Variants in LOC128706666 observed in about 807,000 individuals in gnomAD.
At chr20:10,419,601 A>C in the LOC128706666 span, among the ~76,000 whole-genome samples, 1 of 152,182 alleles carries the variant, frequency 6.6e-6, no homozygotes, top group Non-Finnish European at 1.5e-5. Flanking sequence ...ACCTATGATA[A>C]AGTTCAATTT....
At chr20:10,414,056 C>T in the LOC128706666 span, 3 of 373,918 alleles carry the variant, frequency 8.0e-6, no homozygotes, top group Non-Finnish European at 1.4e-5. Flanking sequence ...CTGGCACAAA[C>T]GTCCAGAAAA....
At chr20:10,413,991 A>G in the LOC128706666 span, 26 of 397,418 alleles carry the variant, frequency 6.5e-5, no homozygotes, top group East Asian at 9.3e-4. Flanking sequence ...TGTAGACTGC[A>G]GTTTAATAAT....
At chr20:10,422,157 T>C in the LOC128706666 span, among the ~76,000 whole-genome samples, 1 of 152,174 alleles carries the variant, frequency 6.6e-6, no homozygotes, top group Non-Finnish European at 1.5e-5. Context: ...GCTATGAACA[T>C]GTTATTCTTA....
chr20:10,427,904 T>C, the LOC128706666 span, among the ~76,000 whole-genome samples: 1 of 152,224 alleles, frequency 6.6e-6, no homozygotes, highest in Non-Finnish European at 1.5e-5. Context: ...GCTTGACCTA[T>C]ATCCAAGAGC....
chr20:10,418,127 G>C, the LOC128706666 span, among the ~76,000 whole-genome samples: 1 of 152,084 alleles, frequency 6.6e-6, no homozygotes, highest in Non-Finnish European at 1.5e-5. Flanking sequence ...ATGTGTTTGT[G>C]TATGTGTGTT....
At chr20:10,433,855 C>T in the LOC128706666 span, among the ~76,000 whole-genome samples, 1 of 152,168 alleles carries the variant, frequency 6.6e-6, no homozygotes, top group Non-Finnish European at 1.5e-5. Context: ...TCCAGCTCTC[C>T]CCACCGGCGG....
At chr20:10,421,856 T>C in the LOC128706666 span, among the ~76,000 whole-genome samples, 1 of 151,870 alleles carries the variant, frequency 6.6e-6, no homozygotes, top group East Asian at 1.9e-4. Context: ...ATCTGTTGGG[T>C]TTGGGAACTT....
the LOC128706666 span, among the ~76,000 whole-genome samples, chr20:10,426,163 T>C: frequency 6.6e-6 from 1 of 152,240 alleles, no homozygotes; most frequent in African/African-American, 2.4e-5. Context: ...AAACATTAAA[T>C]GATTGATTCT....
the LOC128706666 span, among the ~76,000 whole-genome samples, chr20:10,433,878 G>A: frequency 1.2e-4 from 18 of 152,188 alleles, no homozygotes; most frequent in Admixed American, 1.3e-4. Flanking sequence ...AGACCTCCTC[G>A]CCGCCCGCAT....
the LOC128706666 span, among the ~76,000 whole-genome samples, chr20:10,428,439 C>T: frequency 3.3e-5 from 5 of 152,166 alleles, no homozygotes; most frequent in African/African-American, 1.2e-4. Context: ...ATTGTATGCT[C>T]CACCTTCATT....
chr20:10,413,931 C>A, the LOC128706666 span: 1 of 407,378 alleles, frequency 2.5e-6, no homozygotes, highest in East Asian at 3.5e-5. Flanking sequence ...TGCTTCTTTA[C>A]CTAATAAATA....
chr20:10,415,171 A>C, the LOC128706666 span, among the ~76,000 whole-genome samples: 1 of 152,230 alleles, frequency 6.6e-6, no homozygotes, highest in African/African-American at 2.4e-5. Flanking sequence ...TAAAAACGTT[A>C]GATCATAGAT....
At chr20:10,431,569 A>G in the LOC128706666 span, 2 of 151,506 alleles carry the variant, frequency 1.3e-5, no homozygotes, top group African/African-American at 4.9e-5. Context: ...AACCAAACCA[A>G]ACCCGCACAA....
chr20:10,420,408 C>A, the LOC128706666 span: 1 of 152,238 alleles, frequency 6.6e-6, no homozygotes, highest in East Asian at 1.9e-4. Flanking sequence ...CAGTGGGTCA[C>A]AATAAAAACA....
At chr20:10,429,929 T>C in the LOC128706666 span, among the ~76,000 whole-genome samples, 1 of 152,242 alleles carries the variant, frequency 6.6e-6, no homozygotes, top group Non-Finnish European at 1.5e-5. Flanking sequence ...TGTGTTTTAA[T>C]TAATTCTTTA....
At chr20:10,423,291 C>T in the LOC128706666 span, among the ~76,000 whole-genome samples, 138 of 152,098 alleles carry the variant, frequency 9.1e-4, no homozygotes, top group South Asian at 6.2e-3. Context: ...TGGTGGCGCA[C>T]GCCTGTAGTT....
At chr20:10,420,840 T>C in the LOC128706666 span, 1 of 152,218 alleles carries the variant, frequency 6.6e-6, no homozygotes, top group Non-Finnish European at 1.5e-5. Flanking sequence ...TCACTACAAG[T>C]AGCATGCTGT....
the LOC128706666 span, among the ~76,000 whole-genome samples, chr20:10,432,781 C>T: frequency 0.11 from 9,509 of 88,186 alleles, 488 homozygotes; most frequent in Middle Eastern, 0.21. Context: ...CAGAGCGAGA[C>T]TCTTTGTCAA....
the LOC128706666 span, among the ~76,000 whole-genome samples, chr20:10,428,398 A>T: frequency 3.3e-5 from 5 of 152,264 alleles, no homozygotes; most frequent in African/African-American, 9.6e-5. Context: ...TAAAGAGCCC[A>T]TTTCTACCCT....
Sources: gnomAD v4.1 joint callset for allele counts (sites outside exome capture counted in the v4.1 genomes callset) on GRCh38, gnomAD v4.1.1 for gene constraint, MANE v1.5 for transcripts.